PLA2G2C: variants seen among roughly 807,000 people sequenced by gnomAD.
PLA2G2C encodes phospholipase A2 group IIC.
PLA2G2C carries 15 observed loss-of-function variants against 14.3 expected under a neutral mutation model. That is an observed-to-expected ratio of 1.05 (90% CI 0.70 to 1.62). The LOEUF is 1.62. Ranked by LOEUF, PLA2G2C falls within the 40% of genes most tolerant of loss-of-function variation. The probability of loss-of-function intolerance (pLI) is 0.00; values close to 1 mark genes in which losing one functional copy is unlikely to be tolerated. For synonymous variants in PLA2G2C, 79 were observed against 67.7 expected (o/e 1.17, Z -0.82); for missense variants, 162 against 173.2 (o/e 0.94, Z 0.36).
chr1:20,165,509 C>A (rs1339407975), intron 4 of PLA2G2C, among the ~76,000 whole-genome samples: 1 of 152,224 alleles, frequency 6.6e-6, no homozygotes, highest in Non-Finnish European at 1.5e-5. Flanking sequence ...CTGCACAGAG[C>A]AGATGCTCAA....
At chr1:20,177,631 A>G (rs1195116235) in intron 1 of PLA2G2C, among the ~76,000 whole-genome samples, 192 bp from the exon 2 acceptor site, 4 of 152,072 alleles carry the variant, frequency 2.6e-5, no homozygotes, top group African/African-American at 9.7e-5. Context: ...TGGTTTTGAA[A>G]GTGCAAATGT....
intron 1 of PLA2G2C, among the ~76,000 whole-genome samples, chr1:20,179,512 T>C (rs2018243332): frequency 6.7e-6 from 1 of 149,998 alleles, no homozygotes. Context: ...TCTCCCTCTA[T>C]GTCAGTTTCT....
intron 3 of PLA2G2C, among the ~76,000 whole-genome samples, chr1:20,173,654 G>C (rs1177305673): frequency 2.0e-5 from 3 of 152,230 alleles, no homozygotes; most frequent in Non-Finnish European, 4.4e-5. Context: ...AGTTGGCTGG[G>C]GGCTGGATGG....
chr1:20,181,019 C>T (rs1476688879), intron 1 of PLA2G2C, among the ~76,000 whole-genome samples: 2 of 152,212 alleles, frequency 1.3e-5, no homozygotes, highest in African/African-American at 4.8e-5. Flanking sequence ...ATCCCTAGTG[C>T]CTTCTTATCA....
chr1:20,176,323 G>GA (rs572199497), intron 2 of PLA2G2C, among the ~76,000 whole-genome samples: 1 of 152,104 alleles, frequency 6.6e-6, no homozygotes, highest in Non-Finnish European at 1.5e-5. Flanking sequence ...TGGATGTAGG[G>GA]AAAAAACTGG....
rs1042563318 is a variant in PLA2G2C, at chr1:20,179,685, CTCTG to C, written c.-76-2250_-76-2247del. Among the ~76,000 whole-genome samples, 5 of 146,000 alleles carry C rather than the reference CTCTG, an allele frequency of 3.4e-5. No homozygotes were observed. In the Admixed American group the frequency reaches 3.4e-4, roughly 10 times the overall value. On this transcript the variant is annotated intron_variant, in intron 1 of 4. Coordinates refer to ENST00000679259, the MANE Select transcript of PLA2G2C (RefSeq NM_001367969.2). ...AGCTTCTCCCTCTATGTCAGTTTCT[CTCTG>C]TGTGTGTCAGCTTCTCCCTTGTGTG...
At chr1:20,173,178 T>A (rs2018119042) in intron 3 of PLA2G2C, among the ~76,000 whole-genome samples, 1 of 147,582 alleles carries the variant, frequency 6.8e-6, no homozygotes, top group African/African-American at 2.5e-5. Flanking sequence ...AAGCCAGGCA[T>A]GGTGGCACCA....
In PLA2G2C at chr1:20,182,293, T is replaced by A. The variant is rs139989193; in HGVS notation, c.-77+4067A>T. Among the ~76,000 whole-genome samples, 33 of 152,358 alleles carry A rather than the reference T, an allele frequency of 2.2e-4. No individual in the cohort carries two copies. In the East Asian group the frequency reaches 5.0e-3, roughly 23 times the overall value. ...CGCTATATAGGCATACCATTTTTTT[T>A]ATCTTTTATACCATATTTTAAATTG... On this transcript the variant is annotated intron_variant, in intron 1 of 4. Transcript: ENST00000679259.
chr1:20,185,238 C>T (rs1166512039), intron 1 of PLA2G2C, among the ~76,000 whole-genome samples: 3 of 152,120 alleles, frequency 2.0e-5, no homozygotes, highest in Non-Finnish European at 4.4e-5. Context: ...TTAGAGACCT[C>T]GTGTTTCTGT....
At chr1:20,179,978 CTG>C (rs879754442) in intron 1 of PLA2G2C, among the ~76,000 whole-genome samples, 63 of 150,888 alleles carry the variant, frequency 4.2e-4, no homozygotes, top group Middle Eastern at 3.4e-3. Context: ...CAGTTTCTCT[CTG>C]TGTGTGTGTT....
chr1:20,174,837 C>G (rs2018150275), intron 3 of PLA2G2C, among the ~76,000 whole-genome samples, 170 bp downstream of exon 3: 1 of 152,156 alleles, frequency 6.6e-6, no homozygotes. Flanking sequence ...TGGCCCCGAC[C>G]CTGGGTTTCT....
intron 3 of PLA2G2C, 81 bp from the exon 4 acceptor site, chr1:20,172,978 A>G: frequency 2.0e-6 from 2 of 1,003,022 alleles, no homozygotes; most frequent in East Asian, 2.4e-5. Flanking sequence ...TCCTCTAGGC[A>G]AGAAGGCATT....
rs2018093937 is a variant in PLA2G2C, at chr1:20,172,204, T to A, written c.283+590A>T. ...ATGTGCCTGCTGTCTAGGCCAGGAT[T>A]GCCCTGCACATACCCATACCCTACC... On this transcript the variant is annotated intron_variant, in intron 4 of 4. Transcript: ENST00000679259. Among the ~76,000 whole-genome samples the A allele has an allele frequency of 3.3e-5, 5 of 152,274 alleles. 1 individual carries two copies. The South Asian group carries it at 1.0e-3, about 32-fold the overall frequency.
intron 3 of PLA2G2C, 44 bp downstream of exon 3, chr1:20,174,963 A>G: frequency 6.5e-7 from 1 of 1,549,710 alleles, no homozygotes. Context: ...CATGAACTTT[A>G]ATGCAAAACA....
intron 1 of PLA2G2C, among the ~76,000 whole-genome samples, chr1:20,183,298 G>C (rs2018303276): frequency 6.6e-6 from 1 of 152,182 alleles, no homozygotes; most frequent in African/African-American, 2.4e-5. Context: ...AGCCAGGATT[G>C]ATACTCAAGC....
chr1:20,170,866 G>A (rs1005820393), intron 4 of PLA2G2C, among the ~76,000 whole-genome samples: 2 of 141,442 alleles, frequency 1.4e-5, no homozygotes, highest in African/African-American at 2.7e-5. Flanking sequence ...ACGTACTTTC[G>A]GGTCCAACTC....
At chr1:20,186,031 GGCCGGTTCCGGTCAC>G (rs1553184962) in intron 1 of PLA2G2C, 1 of 96,354 alleles carries the variant, frequency 1.0e-5, no homozygotes, top group African/African-American at 3.9e-5. Context: ...ACCCGACCCA[GGCCGGTTCCGGTCAC>G]GCCGGAAGCA....
chr1:20,169,448 G>A (rs537739976), intron 4 of PLA2G2C, among the ~76,000 whole-genome samples: 3 of 152,274 alleles, frequency 2.0e-5, no homozygotes, highest in Non-Finnish European at 2.9e-5. Context: ...CCAGAGTGCT[G>A]GGATTACAGG....
chr1:20,185,122 C>T (rs1431009082), intron 1 of PLA2G2C, among the ~76,000 whole-genome samples: 4 of 151,948 alleles, frequency 2.6e-5, no homozygotes, highest in African/African-American at 9.7e-5. Context: ...GGTGAAGGGG[C>T]GAGACCCTGT....
Sources: gnomAD v4.1 joint callset for allele counts (sites outside exome capture counted in the v4.1 genomes callset) on GRCh38, gnomAD v4.1.1 for gene constraint, MANE v1.5 for transcripts, NCBI Gene and HGNC (gene_info 2026-07-23, HGNC 2026-07-21) for gene names.